CAGE1: variants seen among roughly 807,000 people sequenced by gnomAD.
CAGE1 encodes the protein cancer antigen 1.
CAGE1 carries 66 observed loss-of-function variants against 94.9 expected under a neutral mutation model. The observed-to-expected ratio is 0.70, with a 90% CI of 0.57 to 0.85. The LOEUF is 0.85. Ranked by LOEUF, CAGE1 falls within the 40% of genes least tolerant of loss-of-function variation. The pLI is 0.00. For synonymous variants in CAGE1, 319 were observed against 321.0 expected (o/e 0.99, Z 0.07); for missense variants, 865 against 950.4 (o/e 0.91, Z 1.18).
intron 11 of CAGE1, among the ~76,000 whole-genome samples, chr6:7,342,878 T>A (rs897745429): frequency 6.6e-6 from 1 of 151,990 alleles, no homozygotes; most frequent in Non-Finnish European, 1.5e-5. Flanking sequence ...GCTTGCCAAT[T>A]ATCCCAGCAC....
At chr6:7,345,974 A>G (rs963080015) in intron 11 of CAGE1, among the ~76,000 whole-genome samples, 2 of 152,184 alleles carry the variant, frequency 1.3e-5, no homozygotes, top group African/African-American at 4.8e-5. Flanking sequence ...GAAGAACAAT[A>G]CCTCAAACTC....
chr6:7,387,501 A>G (rs1342370227), intron 1 of CAGE1, among the ~76,000 whole-genome samples: 1 of 152,174 alleles, frequency 6.6e-6, no homozygotes, highest in Non-Finnish European at 1.5e-5. Flanking sequence ...TCAGAGACCT[A>G]ATAGTTTCCA....
In CAGE1 at chr6:7,365,972, G is replaced by T. The variant is rs75136466; in HGVS notation, c.2005-88C>A. On this transcript the variant is annotated intron_variant, in intron 7 of 13. Transcript: ENST00000502583. ...ATAAAATAATCAAACCGGGCCGGGC[G>T]TAGTGGCTCATGCCTATAATCCCAG... 11 of 807,842 alleles carry T rather than the reference G, an allele frequency of 1.4e-5. No individual in the cohort carries two copies. The South Asian group carries it at 1.7e-4, about 13-fold the overall frequency. 50.0% of individuals were successfully genotyped at this position (807,842 alleles called of 1,614,324 possible). A position where few individuals can be genotyped will look rare whatever the true frequency, so the allele number is the denominator to read the frequency against.
chr6:7,386,905 A>G, intron 2 of CAGE1, 74 bp downstream of exon 2: 1 of 1,027,582 alleles, frequency 9.7e-7, no homozygotes, highest in Admixed American at 2.2e-5. Flanking sequence ...ATAGTTTTGA[A>G]GAAATTTTCA....
intron 2 of CAGE1, among the ~76,000 whole-genome samples, chr6:7,386,481 G>C (rs768491390): frequency 6.6e-6 from 1 of 152,182 alleles, no homozygotes; most frequent in African/African-American, 2.4e-5. Context: ...GCATACTGAT[G>C]TAAGTGGAAG....
At chr6:7,377,430 C>T (rs1760782278) in intron 4 of CAGE1, among the ~76,000 whole-genome samples, 1 of 152,100 alleles carries the variant, frequency 6.6e-6, no homozygotes, top group East Asian at 1.9e-4. Flanking sequence ...CATAGTGTTT[C>T]CCATCAAACT....
At chr6:7,368,252 CAAAA>C (rs57530544) in intron 7 of CAGE1, among the ~76,000 whole-genome samples, 1 of 84,436 alleles carries the variant, frequency 1.2e-5, no homozygotes, top group African/African-American at 4.6e-5. Flanking sequence ...GACTCTGTCT[CAAAA>C]AAAAAAAAAA....
chr6:7,374,009 C>T lies in CAGE1; in HGVS notation c.810G>A (p.Ser270=), dbSNP rs768099724. The T allele has an allele frequency of 1.1e-5, 17 of 1,613,900 alleles. No individual in the cohort carries two copies. The highest frequency in any genetic ancestry group is 5.0e-5 in the Admixed American group (3 of 60,006). The stretch of plus-strand genomic sequence containing the variant: ...CTTCACTCCTCCAGGAAATGCCTGC[C>T]GAAGACCAAGTTGAGACAATTTCTG... ...ERPEIVSTWS[S]AGISWRSEAC... The change falls in exon 5 of 14, where the codon TCG becomes TCA. Residue 270 remains serine (S), a synonymous_variant. Transcript: ENST00000502583.
chr6:7,378,613 T>C lies in CAGE1; in HGVS notation c.687+4A>G. 6.4e-7 allele frequency: 1 copy of C among 1,566,722 alleles called. No homozygotes were observed. Among genetic ancestry groups the C allele is most frequent in the Non-Finnish European group, 8.6e-7 (1 of 1,162,804 alleles). ...GGTTTTACAATATTATTGTGTACACTTTCCTTACATAAGAAGCTTGGAGGT... is the reference window on the plus strand; with the variant it reads ...GGTTTTACAATATTATTGTGTACACCTTCCTTACATAAGAAGCTTGGAGGT... On this transcript the variant is annotated splice_donor_region_variant and intron_variant, in intron 4 of 13. Coordinates refer to ENST00000502583, the MANE Select transcript of CAGE1 (RefSeq NM_001170692.2).
Position 7,365,474 on chromosome 6 carries a change from A to G in CAGE1, c.2187T>C (p.Asp729=), listed in dbSNP as rs775306425. The part of the protein sequence containing the change: ...DKYHSLNEEL[D]FLITKLGHLL... ...AAAAAAAGGTCTTTCTTACCAAGAA[A>G]TCAAGCTCCTCATTTAGACTGTGGT... is the stretch of plus-strand genomic sequence containing the variant. Residue 729 remains aspartate (D), a synonymous_variant, in exon 9 of 14, where the codon GAT becomes GAC. Transcript: ENST00000502583. 1.2e-5 allele frequency: 20 copies of G among 1,612,230 alleles called. No homozygotes were observed. In the South Asian group the frequency reaches 2.2e-4, roughly 18 times the overall value.
At chr6:7,385,411 T>C (rs1038215671) in intron 3 of CAGE1, among the ~76,000 whole-genome samples, 5 of 151,958 alleles carry the variant, frequency 3.3e-5, no homozygotes, top group African/African-American at 4.8e-5. Flanking sequence ...CAAGCAATCC[T>C]CCTGCCTTGG....
intron 7 of CAGE1, 132 bp from the exon 8 acceptor site, chr6:7,366,016 C>T (rs1006290924): frequency 1.6e-5 from 9 of 555,994 alleles, no homozygotes; most frequent in Admixed American, 7.0e-5. Flanking sequence ...GATGCTGAGG[C>T]GGGTGGATCA....
In CAGE1 at chr6:7,365,869, C is replaced by A. The variant is rs1243048072; in HGVS notation, c.2020G>T (p.Asp674Tyr). The change falls in exon 8 of 14, where the codon GAT becomes TAT. Residue 674 changes from aspartate to tyrosine, a missense_variant. Transcript: ENST00000502583. ...AACTCTCTAAAGGTTGTGATTCTATCTTTATGTTTCAGTAGCTAAGAAAAG... is the reference window on the plus strand; with the variant it reads ...AACTCTCTAAAGGTTGTGATTCTATATTTATGTTTCAGTAGCTAAGAAAAG... ...TLDKELLKHK[D>Y]RITTFRELIA... The A allele has an allele frequency of 6.6e-7, 1 of 1,520,370 alleles. No individual in the cohort carries two copies. The highest frequency in any genetic ancestry group is 1.4e-5 in the African/African-American group (1 of 71,804). The allele number at this position is 1,520,370 out of a possible 1,614,324, so 94.2% of individuals were successfully genotyped here.
chr6:7,341,841 G>A, intron 11 of CAGE1: 1 of 679,148 alleles, frequency 1.5e-6, no homozygotes. Context: ...CCTTGCACTA[G>A]TAGGTCAGGA....
rs1448851494 is a variant in CAGE1, at chr6:7,365,525, G to A, written c.2136C>T (p.Thr712=). 1.9e-6 allele frequency: 3 copies of A among 1,613,032 alleles called. No homozygotes were observed. The highest frequency in any genetic ancestry group is 1.3e-5 in the African/African-American group (1 of 75,002). ...DEAKSIRDVP[T]LLGAKLDKYH... ...ACTTATCCAGTTTGGCTCCCAGAAG[G>A]GTAGGTACATCTCTGATACTCTTGG... is the stretch of plus-strand genomic sequence containing the variant. The change falls in exon 9 of 14, where the codon ACC becomes ACT. Residue 712 remains threonine (T), a synonymous_variant. Coordinates refer to ENST00000502583, the MANE Select transcript of CAGE1 (RefSeq NM_001170692.2).
Position 7,389,720 on chromosome 6 carries a change from C to A in CAGE1, c.-542G>T. On this transcript the variant is annotated 5_prime_UTR_variant, in exon 1 of 14. Transcript: ENST00000502583. ...AGCACAGAACATCCACAGCCCTATA[C>A]AGCGCGCCATCCAGAGAGCTCCGGA... 1.8e-6 allele frequency: 1 copy of A among 551,304 alleles called. No homozygotes were observed. The highest frequency in any genetic ancestry group is 3.3e-6 in the Non-Finnish European group (1 of 306,470). 34.2% of individuals were successfully genotyped at this position (551,304 alleles called of 1,614,324 possible).
rs1760311710 is a variant in CAGE1 at position 7,365,818 on chromosome 6, C to A, written c.2071G>T (p.Asp691Tyr). Residue 691 changes from aspartate (D) to tyrosine (Y), a missense_variant, in exon 8 of 14, where the codon GAT (aspartate) becomes TAT (tyrosine). Coordinates refer to ENST00000502583, the MANE Select transcript of CAGE1 (RefSeq NM_001170692.2). ...ATTAAGCTCACCTTAATAGCATGAT[C>A]TTGAAATGCTTTTTCCTTAGCAATT... ...ELIAKEKAFQDHAIKVIDCDS... is the reference protein window; with the variant it reads ...ELIAKEKAFQYHAIKVIDCDS... 2.0e-6 allele frequency: 3 copies of A among 1,530,864 alleles called. No homozygotes were observed. The highest frequency in any genetic ancestry group is 2.8e-5 in the African/African-American group (2 of 72,304). The allele number at this position is 1,530,864 out of a possible 1,614,324, so 94.8% of individuals were successfully genotyped here. A position where few individuals can be genotyped will look rare whatever the true frequency, so the allele number is the denominator to read the frequency against.
chr6:7,333,014 G>GATCTC (rs1758810109), intron 12 of CAGE1, among the ~76,000 whole-genome samples: 1 of 151,822 alleles, frequency 6.6e-6, no homozygotes, highest in Admixed American at 6.6e-5. Context: ...GCAGTGGCAC[G>GATCTC]ATCTCAGCTC....
At chr6:7,330,294 G>A (rs569818176) in intron 12 of CAGE1, among the ~76,000 whole-genome samples, 18 of 152,252 alleles carry the variant, frequency 1.2e-4, no homozygotes, top group South Asian at 4.1e-4. Flanking sequence ...AGGCTGAGGC[G>A]GAGAATTGCT....
Sources: allele counts gnomAD v4.1 joint callset (sites outside exome capture counted in the v4.1 genomes callset), GRCh38; gene constraint gnomAD v4.1.1; transcripts MANE v1.5; gene names NCBI Gene and HGNC (gene_info 2026-07-23, HGNC 2026-07-21).